RASAL2: variants seen among roughly 807,000 people sequenced by gnomAD.
RASAL2 encodes RAS protein activator like 2, also known as ras GTPase-activating protein nGAP.
Under a neutral mutation model 128.9 loss-of-function variants are expected in RASAL2, and 58 were observed. The observed-to-expected ratio is 0.45, with a 90% CI of 0.36 to 0.56. RASAL2 has a LOEUF of 0.56. Among genes scored for constraint, RASAL2 ranks in the 20% least tolerant of loss-of-function variants. RASAL2 has a pLI of 0.00. For missense variants in RASAL2, 1,360 were observed against 1,601.6 expected (o/e 0.85, Z 2.57); for synonymous variants, 561 against 580.8 (o/e 0.97, Z 0.49).
At position 178,094,584 on chromosome 1, in the gene RASAL2, C is replaced by T. The variant is rs747827439; in HGVS notation, c.92C>T (p.Pro31Leu). Reference protein sequence around the residue: ...PALESDSPLPPEDLDAVVPVS... With the variant: ...PALESDSPLPLEDLDAVVPVS... Reference sequence around the variant, plus strand: ...CTGGAGTCCGACTCGCCGCTGCCCCCGGAGGACCTGGACGCGGTTGTCCCA... The same window carrying T: ...CTGGAGTCCGACTCGCCGCTGCCCCTGGAGGACCTGGACGCGGTTGTCCCA... The change falls in exon 1 of 18, where the codon CCG (proline) becomes CTG (leucine). Residue 31 changes from proline to leucine, a missense_variant. Physicochemically the swap from Pro to Leu is moderately conservative, Grantham distance 98. Transcript: ENST00000367649. The T allele has an allele frequency of 5.0e-6, 8 of 1,608,568 alleles. No homozygotes were observed. The highest frequency in any genetic ancestry group is 1.7e-5 in the Admixed American group (1 of 59,278).
chr1:178,094,279 T>C lies in RASAL2; in HGVS notation c.-214T>C, dbSNP rs982858262. On this transcript the variant is annotated 5_prime_UTR_variant, in exon 1 of 18. Coordinates refer to ENST00000367649, the MANE Select transcript of RASAL2 (RefSeq NM_170692.4). ...GCCACGCTGGATCCTCCTCCCGGCCTGGGTCCCGCCCGCCGACTGCAGGTG... is the reference window on the plus strand; with the variant it reads ...GCCACGCTGGATCCTCCTCCCGGCCCGGGTCCCGCCCGCCGACTGCAGGTG... The C allele has an allele frequency of 6.1e-5, 33 of 542,736 alleles. No homozygotes were observed. Among genetic ancestry groups the C allele is most frequent in the Non-Finnish European group, 8.3e-5 (26 of 314,390 alleles). 33.6% of individuals were successfully genotyped at this position (542,736 alleles called of 1,614,324 possible).
intron 1 of RASAL2, among the ~76,000 whole-genome samples, chr1:178,253,646 ACAGT>A (rs936378113): frequency 7.9e-5 from 12 of 152,248 alleles, no homozygotes; most frequent in African/African-American, 2.9e-4. Context: ...AAGGAAAATT[ACAGT>A]CAAAGGGGTT....
intron 4 of RASAL2, among the ~76,000 whole-genome samples, chr1:178,412,701 T>A (rs564123034): frequency 4.6e-5 from 7 of 152,336 alleles, no homozygotes; most frequent in African/African-American, 1.7e-4. Flanking sequence ...CTCGAAAGTT[T>A]AAATGCAAGA....
chr1:178,340,614 AG>A (rs1423294697), intron 3 of RASAL2, among the ~76,000 whole-genome samples: 1 of 152,190 alleles, frequency 6.6e-6, no homozygotes, highest in African/African-American at 2.4e-5. Context: ...TAAAAAATGA[AG>A]TTCTCAGTTT....
intron 1 of RASAL2, among the ~76,000 whole-genome samples, chr1:178,145,801 A>T (rs1048767807): frequency 6.6e-6 from 1 of 152,160 alleles, no homozygotes; most frequent in African/African-American, 2.4e-5. Context: ...AGGTAGCAGC[A>T]AAGAGGAAGT....
At chr1:178,191,039 G>C (rs1253574927) in intron 1 of RASAL2, among the ~76,000 whole-genome samples, 1 of 152,148 alleles carries the variant, frequency 6.6e-6, no homozygotes, top group Non-Finnish European at 1.5e-5. Flanking sequence ...GCCACAGAAT[G>C]TGAAACAGCT....
chr1:178,299,337 A>T (rs1667658308), intron 2 of RASAL2, among the ~76,000 whole-genome samples: 1 of 152,152 alleles, frequency 6.6e-6, no homozygotes, highest in Non-Finnish European at 1.5e-5. Context: ...TTAACATTGG[A>T]CAAAATTGGA....
intron 1 of RASAL2, among the ~76,000 whole-genome samples, chr1:178,203,822 C>T (rs1462308865): frequency 1.3e-5 from 2 of 152,174 alleles, no homozygotes; most frequent in East Asian, 1.9e-4. Context: ...GTGTAGAATA[C>T]AGGAGATCCC....
chr1:178,385,608 G>T (rs1336755765), intron 3 of RASAL2, among the ~76,000 whole-genome samples: 1 of 151,378 alleles, frequency 6.6e-6, no homozygotes, highest in African/African-American at 2.4e-5. Context: ...TGCAAAATTA[G>T]CTTTTTGGAA....
intron 1 of RASAL2, among the ~76,000 whole-genome samples, chr1:178,166,558 A>G (rs1231420069): frequency 6.6e-6 from 1 of 152,190 alleles, no homozygotes; most frequent in Non-Finnish European, 1.5e-5. Context: ...CTTATCTAAA[A>G]GAGATGTAAA....
At chr1:178,298,849 C>A (rs16852656) in intron 2 of RASAL2, among the ~76,000 whole-genome samples, 9,974 of 151,326 alleles carry the variant, frequency 0.066, 1,056 homozygotes, top group African/African-American at 0.22. Context: ...TAGGATGTTA[C>A]AATTCTTAAT....
intron 3 of RASAL2, among the ~76,000 whole-genome samples, chr1:178,369,226 G>T (rs576540827): frequency 6.6e-6 from 1 of 151,416 alleles, no homozygotes; most frequent in South Asian, 2.1e-4. Flanking sequence ...AGTGGGGTCT[G>T]CACTCTTACT....
In RASAL2 at chr1:178,460,915, G is replaced by A. The variant is rs567188083; in HGVS notation, c.3252+2371G>A. On this transcript the variant is annotated intron_variant, in intron 14 of 17. Coordinates refer to ENST00000367649, the MANE Select transcript of RASAL2 (RefSeq NM_170692.4). ...TGTAACTTCCGCCTCCCAGGTTCAA[G>A]CAGTTCTCCTGTCTCAGCCTCCTGA... is the stretch of plus-strand genomic sequence containing the variant. 2.0e-5 allele frequency among the ~76,000 whole-genome samples: 3 copies of A among 152,250 alleles called. No homozygotes were observed. In the East Asian group the frequency reaches 5.8e-4, roughly 29 times the overall value.
chr1:178,273,829 T>A (rs1666370016), intron 1 of RASAL2, among the ~76,000 whole-genome samples: 1 of 152,196 alleles, frequency 6.6e-6, no homozygotes, highest in Admixed American at 6.5e-5. Context: ...ATTGTAGGTG[T>A]TTGTTTCCTA....
chr1:178,191,110 C>T (rs1662479109), intron 1 of RASAL2, among the ~76,000 whole-genome samples: 4 of 152,080 alleles, frequency 2.6e-5, no homozygotes, highest in Admixed American at 2.6e-4. Context: ...GAATTGTTAG[C>T]ATGATCCTTA....
chr1:178,163,517 A>G (rs1424240309), intron 1 of RASAL2, among the ~76,000 whole-genome samples: 2 of 152,148 alleles, frequency 1.3e-5, no homozygotes, highest in African/African-American at 4.8e-5. Flanking sequence ...ATACTTCTGC[A>G]TGTGGATATC....
rs561290615 is a variant in RASAL2, at chr1:178,111,965, G to A, written c.202+17271G>A. ...GCTGGTCTTGAACTCCTGACCTCAGGTGATCTGCCTGCCTCCACCTCCCAA... is the reference window on the plus strand; with the variant it reads ...GCTGGTCTTGAACTCCTGACCTCAGATGATCTGCCTGCCTCCACCTCCCAA... On this transcript the variant is annotated intron_variant, in intron 1 of 17. Transcript: ENST00000367649. Among the ~76,000 whole-genome samples, 288 of 152,252 alleles carry A rather than the reference G, an allele frequency of 1.9e-3. 2 individuals carry two copies. The highest frequency in any genetic ancestry group is 3.2e-3 in the Non-Finnish European group (221 of 68,010).
chr1:178,196,497 A>T (rs1662665218), intron 1 of RASAL2, among the ~76,000 whole-genome samples: 1 of 152,172 alleles, frequency 6.6e-6, no homozygotes, highest in South Asian at 2.1e-4. Flanking sequence ...TAGGGGAAAA[A>T]ATTCCAGAAA....
chr1:178,290,366 ATGTAACTTAATTC>A (rs1667219859), intron 2 of RASAL2, among the ~76,000 whole-genome samples: 2 of 152,236 alleles, frequency 1.3e-5, no homozygotes. Flanking sequence ...TACCCAGAAC[ATGTAACTTAATTC>A]TTTATTTTTC....
Sources: gnomAD v4.1 joint callset for allele counts (sites outside exome capture counted in the v4.1 genomes callset) on GRCh38, gnomAD v4.1.1 for gene constraint, MANE v1.5 for transcripts, NCBI Gene and HGNC (gene_info 2026-07-23, HGNC 2026-07-21) for gene names.